The following BICD1 variants were observed in gnomAD, a reference collection of about 807,000 sequenced individuals.
BICD1 encodes the protein protein bicaudal D homolog 1.
Under a neutral mutation model 92.5 loss-of-function variants are expected in BICD1, and 35 were observed. The ratio of observed to expected loss-of-function variants is 0.38; its 90% CI spans 0.29 to 0.50. The LOEUF is 0.50. Among genes scored for constraint, BICD1 ranks in the 20% least tolerant of loss-of-function variants. The pLI is 0.93. For synonymous variants in BICD1, 429 were observed against 465.1 expected (o/e 0.92, Z 1.00); for missense variants, 950 against 1,189.8 (o/e 0.80, Z 2.97).
intron 4 of BICD1, among the ~76,000 whole-genome samples, chr12:32,323,702 A>G (rs1420290305): frequency 6.6e-6 from 1 of 152,232 alleles, no homozygotes; most frequent in Non-Finnish European, 1.5e-5. Context: ...CCTTGAGATA[A>G]CAAAACTGTA....
intron 1 of BICD1, among the ~76,000 whole-genome samples, chr12:32,190,013 G>A (rs1565575907): frequency 6.6e-6 from 1 of 152,028 alleles, no homozygotes; most frequent in Non-Finnish European, 1.5e-5. Flanking sequence ...TAGAATTTTT[G>A]TATGCAATTG....
At position 32,328,933 on chromosome 12, in the gene BICD1, C is replaced by T. The variant is rs1207538730; in HGVS notation, c.2100+378C>T. Among the ~76,000 whole-genome samples the T allele has an allele frequency of 3.3e-5, 5 of 151,754 alleles. No individual in the cohort carries two copies. Among genetic ancestry groups the T allele is most frequent in the African/African-American group, 4.8e-5 (2 of 41,286 alleles). Reference sequence around the variant, plus strand: ...GCAAGGCAGGTTACACCAACCAGGGCGATACAGCAAGAAAGACAAACACCC... The same window carrying T: ...GCAAGGCAGGTTACACCAACCAGGGTGATACAGCAAGAAAGACAAACACCC... On this transcript the variant is annotated intron_variant, in intron 5 of 9. Transcript: ENST00000652176. This position sits in a 1 kb window ranked among gnomAD's most constrained non-coding sequence, Gnocchi z 4.4.
chr12:32,117,756 A>T (rs77396442), intron 1 of BICD1, among the ~76,000 whole-genome samples: 28,111 of 107,486 alleles, frequency 0.26, 3,609 homozygotes, highest in African/African-American at 0.37. Flanking sequence ...ATATATATAT[A>T]TATTTTTTTT....
chr12:32,158,457 G>T lies in BICD1; in HGVS notation c.213+50913G>T, dbSNP rs546855490. ...TGGGCGACACGGTGAGACCCTGCCT[G>T]TATAAAAAAGAAAAATTTAAAAATT... On this transcript the variant is annotated intron_variant, in intron 1 of 9. Transcript: ENST00000652176. Among the ~76,000 whole-genome samples the T allele has an allele frequency of 4.6e-5, 7 of 152,036 alleles. No homozygotes were observed. The South Asian group carries it at 1.5e-3, about 32-fold the overall frequency.
intron 3 of BICD1, among the ~76,000 whole-genome samples, chr12:32,299,087 G>A (rs928800134): frequency 6.6e-6 from 1 of 152,146 alleles, no homozygotes; most frequent in Non-Finnish European, 1.5e-5. Flanking sequence ...AAAGCCACAT[G>A]TTAGGTTTGG....
intron 2 of BICD1, among the ~76,000 whole-genome samples, chr12:32,247,668 C>T (rs182180310): frequency 6.6e-6 from 1 of 152,108 alleles, no homozygotes; most frequent in African/African-American, 2.4e-5. Context: ...TTCACTCTAG[C>T]CAGTAGTCCC....
At chr12:32,150,103 A>C (rs1301119773) in intron 1 of BICD1, among the ~76,000 whole-genome samples, 1 of 152,116 alleles carries the variant, frequency 6.6e-6, no homozygotes, top group East Asian at 1.9e-4. Context: ...AGACTTACTC[A>C]CTATCATGAG....
intron 2 of BICD1, among the ~76,000 whole-genome samples, chr12:32,285,825 C>T (rs1947548702): frequency 6.6e-6 from 1 of 152,070 alleles, no homozygotes; most frequent in Non-Finnish European, 1.5e-5. Context: ...GAGCTCAGCG[C>T]CATCTTATCC....
intron 1 of BICD1, chr12:32,108,515 A>C: frequency 2.0e-6 from 1 of 503,398 alleles, no homozygotes; most frequent in Non-Finnish European, 3.5e-6. Context: ...CCACTTACAA[A>C]TTTAAATGTA....
chr12:32,138,238 C>G (rs947382016), intron 1 of BICD1, among the ~76,000 whole-genome samples: 1 of 152,184 alleles, frequency 6.6e-6, no homozygotes, highest in African/African-American at 2.4e-5. Context: ...TTTCCACTTA[C>G]ATAGATGAGA....
At chr12:32,121,932 G>C (rs1942168195) in intron 1 of BICD1, among the ~76,000 whole-genome samples, 1 of 151,544 alleles carries the variant, frequency 6.6e-6, no homozygotes, top group South Asian at 2.1e-4. Flanking sequence ...TCCTGCCTCA[G>C]CCTCCTGAGT....
intron 3 of BICD1, among the ~76,000 whole-genome samples, chr12:32,301,901 T>G (rs1948057592): frequency 6.6e-6 from 1 of 152,150 alleles, no homozygotes. Context: ...TATTTACTTA[T>G]TTTTAGACGG....
intron 8 of BICD1, among the ~76,000 whole-genome samples, chr12:32,350,120 G>GCTCA (rs1295920501): frequency 7.9e-5 from 12 of 152,168 alleles, no homozygotes; most frequent in African/African-American, 2.9e-4. Context: ...TGTGAGCATA[G>GCTCA]CTCAACTGAT....
At position 32,225,621 on chromosome 12, in the gene BICD1, G is replaced by GTTTTTGTTTTTTTTTT. The variant is rs1411722126; in HGVS notation, c.426+9167_426+9168insGTTTTTTTTTTTTTTT. On this transcript the variant is annotated intron_variant, in intron 2 of 9. Coordinates refer to ENST00000652176, the MANE Select transcript of BICD1 (RefSeq NM_001714.4). ...TGGTATTTGACAGTTCTTTTTTTCTGTTTTTTTTTTTTTTTTTTTTAGACG... is the reference window on the plus strand; with the variant it reads ...TGGTATTTGACAGTTCTTTTTTTCTGTTTTTGTTTTTTTTTTTTTTTTTTTTTTTTTTTTTTAGACG... Among the ~76,000 whole-genome samples the GTTTTTGTTTTTTTTTT allele has an allele frequency of 2.8e-4, 26 of 92,784 alleles. 4 individuals carry two copies. The highest frequency in any genetic ancestry group is 1.9e-3 in the East Asian group (4 of 2,160). 60.9% of individuals were successfully genotyped at this position (92,784 alleles called of 152,430 possible). A position where few individuals can be genotyped will look rare whatever the true frequency, so the allele number is the denominator to read the frequency against.
At chr12:32,279,242 A>G (rs1947355741) in intron 2 of BICD1, among the ~76,000 whole-genome samples, 1 of 152,198 alleles carries the variant, frequency 6.6e-6, no homozygotes, top group South Asian at 2.1e-4. Context: ...CAGGGCAGTG[A>G]CCTTCCCTAA....
At chr12:32,175,889 A>G (rs953399214) in intron 1 of BICD1, among the ~76,000 whole-genome samples, 1 of 152,102 alleles carries the variant, frequency 6.6e-6, no homozygotes, top group Non-Finnish European at 1.5e-5. Flanking sequence ...CCCTGTTCGC[A>G]CCTTTACCCC....
intron 3 of BICD1, 145 bp downstream of exon 3, chr12:32,294,291 C>G (rs2136194192): frequency 1.2e-6 from 1 of 800,670 alleles, no homozygotes; most frequent in East Asian, 2.9e-5. Context: ...TCCCAACCCT[C>G]CTATTTCAGC....
intron 9 of BICD1, among the ~76,000 whole-genome samples, chr12:32,373,787 G>A (rs773131953): frequency 2.0e-5 from 3 of 151,352 alleles, no homozygotes; most frequent in Non-Finnish European, 4.4e-5. Flanking sequence ...GGCTGAGACA[G>A]GAGAATCACT....
chr12:32,260,174 C>T (rs1946821332), intron 2 of BICD1, among the ~76,000 whole-genome samples: 1 of 152,220 alleles, frequency 6.6e-6, no homozygotes, highest in African/African-American at 2.4e-5. Context: ...ATCCACCCGC[C>T]TCCGCCTCCC....
Sources: gnomAD v4.1 joint callset for allele counts (sites outside exome capture counted in the v4.1 genomes callset) on GRCh38, gnomAD v4.1.1 for gene constraint, Gnocchi (gnomAD v3.1) non-coding constraint, MANE v1.5 for transcripts, NCBI Gene and HGNC (gene_info 2026-07-23, HGNC 2026-07-21) for gene names.